Variants in DSE observed in about 807,000 individuals in gnomAD.
DSE encodes dermatan sulfate epimerase.
DSE carries 36 observed loss-of-function variants against 84.4 expected under a neutral mutation model. The ratio of observed to expected loss-of-function variants is 0.43; its 90% CI spans 0.33 to 0.56. The LOEUF (loss-of-function observed/expected upper bound fraction) is 0.56, where lower values mean the gene tolerates loss of function less well. Among genes scored for constraint, DSE ranks in the 20% least tolerant of loss-of-function variants. The pLI, the probability that DSE is intolerant of heterozygous loss-of-function variation, is 0.06. For missense variants in DSE, 862 were observed against 1,169.6 expected, an observed-to-expected ratio of 0.74 and a Z score of 3.84; for synonymous variants, 410 against 430.1, an observed-to-expected ratio of 0.95 and a Z score of 0.58.
rs931635813 is a variant in DSE at position 116,279,725 on chromosome 6, G to C, written c.-54+20758G>C. ...TGTGTCGCCTCGCTTTGGTCGCGGA[G>C]CCTCAGGTACTGGTGTGCGTCCTGG... On this transcript the variant is annotated intron_variant, in intron 2 of 3. Coordinates refer to the DSE transcript ENST00000430252. The C allele has an allele frequency of 3.7e-6, 6 of 1,611,486 alleles. No individual in the cohort carries two copies. The African/African-American group carries it at 5.3e-5, about 14-fold the overall frequency.
chr6:116,414,324 C>G (rs1405331159), intron 2 of DSE, among the ~76,000 whole-genome samples: 2 of 152,184 alleles, frequency 1.3e-5, no homozygotes, highest in African/African-American at 4.8e-5. Flanking sequence ...CTCTCTCTCA[C>G]TCTGACACAG....
intron 2 of DSE, among the ~76,000 whole-genome samples, chr6:116,301,921 T>C (rs184678276): frequency 6.6e-6 from 1 of 152,292 alleles, no homozygotes; most frequent in East Asian, 1.9e-4. Context: ...TTGCGGAGAA[T>C]GGTGGTTTCC....
At chr6:116,422,876 C>T (rs1287615213) in intron 2 of DSE, among the ~76,000 whole-genome samples, 1 of 152,178 alleles carries the variant, frequency 6.6e-6, no homozygotes. Context: ...TGTGAATTCT[C>T]TAAAATGTAA....
intron 1 of DSE, among the ~76,000 whole-genome samples, 174 bp from the exon 2 acceptor site, chr6:116,399,022 CTA>C (rs1232617195): frequency 3.3e-5 from 5 of 152,146 alleles, no homozygotes; most frequent in African/African-American, 1.2e-4. Flanking sequence ...ATGTTTAACT[CTA>C]TAAAATCAGA....
chr6:116,429,012 A>G (rs1783633884), intron 3 of DSE, among the ~76,000 whole-genome samples: 2 of 152,346 alleles, frequency 1.3e-5, no homozygotes, highest in Middle Eastern at 3.4e-3. Flanking sequence ...TGTAAGGAAC[A>G]AATAAGGAAA....
chr6:116,418,618 C>G (rs1273316211), intron 2 of DSE, among the ~76,000 whole-genome samples: 1 of 152,144 alleles, frequency 6.6e-6, no homozygotes, highest in Non-Finnish European at 1.5e-5. Flanking sequence ...CTCTGTCTTG[C>G]TGTCATGAAA....
intron 1 of DSE, among the ~76,000 whole-genome samples, chr6:116,398,786 G>T (rs954307811): frequency 3.9e-5 from 6 of 152,160 alleles, no homozygotes; most frequent in South Asian, 2.1e-4. Context: ...GGATTTTCTG[G>T]TTTTTTGTAA....
intron 2 of DSE, among the ~76,000 whole-genome samples, chr6:116,273,041 T>G (rs1326669290): frequency 6.6e-6 from 1 of 152,226 alleles, no homozygotes; most frequent in African/African-American, 2.4e-5. Context: ...AACATTAGCT[T>G]ATACTGCAAG....
chr6:116,432,805 G>A (rs1783926944), intron 4 of DSE: 2 of 152,946 alleles, frequency 1.3e-5, no homozygotes, highest in African/African-American at 4.8e-5. Context: ...TTAACTTCCA[G>A]CAGTACATAC....
chr6:116,285,241 G>A (rs532815663), intron 2 of DSE, among the ~76,000 whole-genome samples: 1 of 152,272 alleles, frequency 6.6e-6, no homozygotes, highest in South Asian at 2.1e-4. Flanking sequence ...ATCTCATTGT[G>A]GTTTTGATTT....
At chr6:116,364,982 G>A (rs1183712518) in intron 2 of DSE, among the ~76,000 whole-genome samples, 2 of 151,298 alleles carry the variant, frequency 1.3e-5, no homozygotes, top group South Asian at 2.1e-4. Flanking sequence ...TACAGTGTGC[G>A]CCACCATGCC....
chr6:116,282,392 G>C (rs1215657327), intron 2 of DSE, among the ~76,000 whole-genome samples: 1 of 151,808 alleles, frequency 6.6e-6, no homozygotes, highest in Non-Finnish European at 1.5e-5. Flanking sequence ...GTCAGGCTTG[G>C]ACCAATCTTA....
chr6:116,331,473 T>G (rs1296107287), intron 2 of DSE, among the ~76,000 whole-genome samples: 1 of 152,148 alleles, frequency 6.6e-6, no homozygotes, highest in East Asian at 1.9e-4. Context: ...GAGAACAGCA[T>G]GGGGGAAATG....
chr6:116,286,351 A>G (rs996027344), intron 2 of DSE, among the ~76,000 whole-genome samples: 68 of 152,094 alleles, frequency 4.5e-4, no homozygotes, highest in African/African-American at 1.4e-3. Context: ...TTGATACACA[A>G]TTTTCTTCTC....
At chr6:116,376,340 A>G (rs1456634954) in intron 1 of DSE, among the ~76,000 whole-genome samples, 1 of 152,162 alleles carries the variant, frequency 6.6e-6, no homozygotes, top group East Asian at 1.9e-4. Flanking sequence ...TACTTCTGCC[A>G]TGTGTAGGCA....
intron 2 of DSE, among the ~76,000 whole-genome samples, chr6:116,299,889 T>C (rs60976249): frequency 7.5e-4 from 114 of 152,278 alleles, no homozygotes; most frequent in African/African-American, 2.7e-3. Context: ...ATTTTACTAT[T>C]TTCTGAGATT....
At chr6:116,378,087 A>T (rs1207438141) in intron 1 of DSE, among the ~76,000 whole-genome samples, 1 of 152,138 alleles carries the variant, frequency 6.6e-6, no homozygotes, top group Non-Finnish European at 1.5e-5. Context: ...ACCTGTCAGG[A>T]AGGAAAAAAG....
In DSE at chr6:116,443,500, T is replaced by C. The variant is rs1274065093; in HGVS notation, c.*6155T>C. ...GTGATAGAAAATTAGACTGGAAAAG[T>C]AGACCAGGCTCCAGGGCAGGAGGGT... On this transcript the variant is annotated 3_prime_UTR_variant, in exon 6 of 6. Coordinates refer to ENST00000644252, the MANE Select transcript of DSE (RefSeq NM_013352.4). 1.3e-5 allele frequency: 2 copies of C among 152,172 alleles called. No homozygotes were observed. The highest frequency in any genetic ancestry group is 4.8e-5 in the African/African-American group (2 of 41,438). The allele number at this position is 152,172 out of a possible 1,614,324, so 9.4% of individuals were successfully genotyped here.
chr6:116,316,950 G>A (rs1476185208), intron 2 of DSE, among the ~76,000 whole-genome samples: 6 of 152,020 alleles, frequency 3.9e-5, no homozygotes, highest in East Asian at 1.9e-4. Context: ...TATCCAAGAA[G>A]CAGATGCTGA....
Sources: allele counts gnomAD v4.1 joint callset (sites outside exome capture counted in the v4.1 genomes callset), GRCh38; gene constraint gnomAD v4.1.1; transcripts MANE v1.5; gene names NCBI Gene and HGNC (gene_info 2026-07-23, HGNC 2026-07-21).